Variants in PLA2G4A observed in about 807,000 individuals in gnomAD.
The protein encoded by PLA2G4A is phospholipase A2 group IVA.
In PLA2G4A, 40 loss-of-function variants were observed where a neutral mutation model predicts 81.9. The ratio of observed to expected loss-of-function variants is 0.49; its 90% confidence interval spans 0.38 to 0.64. The LOEUF is 0.64. Ranked by LOEUF, PLA2G4A falls within the 30% of genes least tolerant of loss-of-function variation. PLA2G4A has a pLI of 0.00. For missense variants in PLA2G4A, 715 were observed against 905.1 expected, an observed-to-expected ratio of 0.79 and a Z score of 2.69; for synonymous variants, 302 against 296.9, an observed-to-expected ratio of 1.02 and a Z score of -0.18.
chr1:186,936,207 A>T (rs1249971552), intron 8 of PLA2G4A, among the ~76,000 whole-genome samples: 1 of 151,994 alleles, frequency 6.6e-6, no homozygotes, highest in East Asian at 1.9e-4. Context: ...TGAACTAACT[A>T]AAATAGAATT....
At chr1:186,970,591 A>G (rs1657320888) in intron 15 of PLA2G4A, among the ~76,000 whole-genome samples, 1 of 151,996 alleles carries the variant, frequency 6.6e-6, no homozygotes, top group Admixed American at 6.6e-5. Context: ...ATATATGTCA[A>G]GAGACAGCAG....
intron 8 of PLA2G4A, among the ~76,000 whole-genome samples, chr1:186,934,104 T>C (rs951246374): frequency 1.3e-5 from 2 of 152,096 alleles, no homozygotes; most frequent in African/African-American, 2.4e-5. Context: ...CATCTGCCTG[T>C]TTAATGAGTA....
rs529323073 is a variant in PLA2G4A, at chr1:186,961,485, A to C, written c.1580-3924A>C. Reference sequence around the variant, plus strand: ...GCAATTATTATTTGTCTACAAAATAAAAATTGTTTTAAAAATAAAATAACA... The same window carrying C: ...GCAATTATTATTTGTCTACAAAATACAAATTGTTTTAAAAATAAAATAACA... On this transcript the variant is annotated intron_variant, in intron 14 of 17. Coordinates refer to ENST00000367466, the MANE Select transcript of PLA2G4A (RefSeq NM_024420.3). Among the ~76,000 whole-genome samples the C allele has an allele frequency of 1.0e-4, 12 of 115,810 alleles. No individual in the cohort carries two copies. The South Asian group carries it at 4.1e-3, about 39-fold the overall frequency. 76.0% of individuals were successfully genotyped at this position (115,810 alleles called of 152,430 possible).
At chr1:186,864,936 A>C (rs959872917) in intron 2 of PLA2G4A, among the ~76,000 whole-genome samples, 7 of 151,140 alleles carry the variant, frequency 4.6e-5, no homozygotes, top group Non-Finnish European at 1.0e-4. Context: ...CTACAAAAAC[A>C]AAAACAAAAA....
intron 7 of PLA2G4A, among the ~76,000 whole-genome samples, chr1:186,918,729 G>T (rs1202804126): frequency 6.6e-6 from 1 of 152,204 alleles, no homozygotes; most frequent in Non-Finnish European, 1.5e-5. Flanking sequence ...CTGGGAGCAG[G>T]GTGGTGGGAT....
chr1:186,911,141 A>C (rs2102154346), intron 6 of PLA2G4A, 107 bp from the exon 7 acceptor site: 1 of 861,014 alleles, frequency 1.2e-6, no homozygotes. Context: ...TGAGGGAAGC[A>C]GTCAGCATAT....
chr1:186,928,805 T>G (rs1655640983), intron 7 of PLA2G4A, among the ~76,000 whole-genome samples: 1 of 152,176 alleles, frequency 6.6e-6, no homozygotes, highest in African/African-American at 2.4e-5. Context: ...AACGCAAGGT[T>G]TTTGGTAAAT....
chr1:186,932,979 G>T, intron 8 of PLA2G4A, 80 bp downstream of exon 8: 2 of 1,029,132 alleles, frequency 1.9e-6, no homozygotes, highest in Non-Finnish European at 1.5e-6. Context: ...AAGAGAAAAG[G>T]GGATTTAGAA....
At chr1:186,936,694 C>T (rs954515518) in intron 8 of PLA2G4A, among the ~76,000 whole-genome samples, 3 of 151,832 alleles carry the variant, frequency 2.0e-5, no homozygotes, top group Non-Finnish European at 4.4e-5. Context: ...AAACACTGAC[C>T]ATTTGATTTG....
chr1:186,979,236 T>G (rs1274341779), intron 16 of PLA2G4A, 79 bp from the exon 17 acceptor site: 2 of 1,050,212 alleles, frequency 1.9e-6, no homozygotes, highest in Non-Finnish European at 3.0e-6. Flanking sequence ...TCTTTATGTC[T>G]GTATGTTTTA....
intron 8 of PLA2G4A, among the ~76,000 whole-genome samples, chr1:186,933,500 T>G (rs1224041734): frequency 1.1e-4 from 16 of 152,146 alleles, no homozygotes; most frequent in Admixed American, 1.0e-3. Flanking sequence ...ACAAATATAT[T>G]TATAAAACAT....
rs1436482137 is a variant in PLA2G4A, at chr1:186,979,383, C to T, written c.2029C>T (p.Pro677Ser). The change falls in exon 17 of 18, where the codon CCA becomes TCA. Residue 677 changes from proline (P) to serine (S), a missense_variant. Pro to Ser is a moderately conservative substitution (Grantham distance 74). Transcript: ENST00000367466. ...TGATATTTTTGATGACCCAGAATCA[C>T]CATTTTCAACCTTCAATTTTCAATA... ...DFDIFDDPES[P>S]FSTFNFQYPN... 1.2e-6 allele frequency: 2 copies of T among 1,605,136 alleles called. No individual in the cohort carries two copies.
chr1:186,982,671 T>TG (rs1553223769), intron 17 of PLA2G4A, among the ~76,000 whole-genome samples: 3 of 150,782 alleles, frequency 2.0e-5, no homozygotes, highest in Admixed American at 2.0e-4. Flanking sequence ...TAACTCCTCT[T>TG]TGTGTGTGTG....
At chr1:186,903,679 A>ATC (rs1465265431) in intron 5 of PLA2G4A, among the ~76,000 whole-genome samples, 1 of 152,214 alleles carries the variant, frequency 6.6e-6, no homozygotes, top group African/African-American at 2.4e-5. Flanking sequence ...ATGCCTGAGG[A>ATC]TCTGTCACTG....
At chr1:186,931,140 G>A (rs1460671535) in intron 7 of PLA2G4A, among the ~76,000 whole-genome samples, 1 of 151,998 alleles carries the variant, frequency 6.6e-6, no homozygotes, top group African/African-American at 2.4e-5. Flanking sequence ...AAGCTTTTAA[G>A]GACTTACATA....
chr1:186,839,965 C>CTTT (rs61704569), intron 1 of PLA2G4A, among the ~76,000 whole-genome samples: 13 of 75,054 alleles, frequency 1.7e-4, no homozygotes, highest in Admixed American at 1.7e-4. Context: ...TAATTGACTT[C>CTTT]TTTTTTTTTT....
At chr1:186,916,241 G>A (rs532808588) in intron 7 of PLA2G4A, among the ~76,000 whole-genome samples, 183 of 152,222 alleles carry the variant, frequency 1.2e-3, no homozygotes, top group Non-Finnish European at 2.3e-3. Context: ...AAGGTCACAC[G>A]CTCCCCTTTT....
rs941748933 is a variant in PLA2G4A at position 186,863,770 on chromosome 1, T to C, written c.34-6665T>C. On this transcript the variant is annotated intron_variant, in intron 2 of 17. Transcript: ENST00000367466. ...TCTGTGCAAATATATAATTTTTTTT[T>C]TTTTTTTGGGGACAGAGTCTCCCTC... is the stretch of plus-strand genomic sequence containing the variant. Among the ~76,000 whole-genome samples, 58 of 146,126 alleles carry C rather than the reference T, an allele frequency of 4.0e-4. 1 individual carries two copies. Among genetic ancestry groups the C allele is most frequent in the African/African-American group, 1.5e-3 (58 of 38,672 alleles).
At position 186,861,106 on chromosome 1, in the gene PLA2G4A, TCCGTC is replaced by T. The variant is rs72118325; in HGVS notation, c.33+6720_33+6724del. On this transcript the variant is annotated intron_variant, in intron 2 of 17. Coordinates refer to ENST00000367466, the MANE Select transcript of PLA2G4A (RefSeq NM_024420.3). ...ATCCTTTAGAGATAACTTATTTGCT[TCCGTC>T]AGGCCCCTGGGGACACTAGCAGTTT... is the stretch of plus-strand genomic sequence containing the variant. 1.1e-3 allele frequency among the ~76,000 whole-genome samples: 175 copies of T among 152,314 alleles called. 2 individuals carry two copies. The highest frequency in any genetic ancestry group is 4.1e-3 in the African/African-American group (169 of 41,570).
Sources: gnomAD v4.1 joint callset for allele counts (sites outside exome capture counted in the v4.1 genomes callset) on GRCh38, gnomAD v4.1.1 for gene constraint, MANE v1.5 for transcripts, NCBI Gene and HGNC (gene_info 2026-07-23, HGNC 2026-07-21) for gene names.